The following COX7A2L variants were observed in gnomAD, a reference collection of about 807,000 sequenced individuals.
COX7A2L encodes the protein cytochrome c oxidase subunit 7A2-like, mitochondrial.
In COX7A2L, 18 loss-of-function variants were observed where a neutral mutation model predicts 14.2. The ratio of observed to expected loss-of-function variants is 1.27; its 90% CI spans 0.88 to 1.88. The LOEUF (loss-of-function observed/expected upper bound fraction) is 1.88, where lower values mean the gene tolerates loss of function less well. Ranked by LOEUF, COX7A2L falls within the 40% of genes most tolerant of loss-of-function variation. The pLI is 0.00. For synonymous variants in COX7A2L, 65 were observed against 57.4 expected, an observed-to-expected ratio of 1.13 and a Z score of -0.60; for missense variants, 179 against 138.8, an observed-to-expected ratio of 1.29 and a Z score of -1.46.
At chr2:42,345,634 G>T (rs745839849), downstream of COX7A2L, among the ~76,000 whole-genome samples, 1 of 152,226 alleles carries the variant, frequency 6.6e-6, no homozygotes, top group African/African-American at 2.4e-5. Flanking sequence ...CAGAGTGAAA[G>T]ACCATCATAC....
chr2:42,353,400 G>C, intron 1 of COX7A2L, 57 bp from the exon 2 acceptor site: 1 of 1,593,644 alleles, frequency 6.3e-7, no homozygotes, highest in East Asian at 2.2e-5. Context: ...AGGCTGTCTG[G>C]AATAGTGGAG....
In COX7A2L at chr2:42,350,974, G is replaced by C. The variant is rs1670621968; in HGVS notation, c.*245C>G. ...GTTCAGCCTTCATCCAGAACCTCCA[G>C]GGAAATCAGGAGCACAAACACAGAG... On this transcript the variant is annotated 3_prime_UTR_variant, in exon 3 of 3. Transcript: ENST00000234301. 1.1e-5 allele frequency: 4 copies of C among 358,688 alleles called. No homozygotes were observed. Among genetic ancestry groups the C allele is most frequent in the Non-Finnish European group, 2.0e-5 (4 of 199,704 alleles). 22.2% of individuals were successfully genotyped at this position (358,688 alleles called of 1,614,324 possible). A position where few individuals can be genotyped will look rare whatever the true frequency, so the allele number is the denominator to read the frequency against.
rs1308629811 is a variant in COX7A2L at position 42,351,145 on chromosome 2, A to C, written c.*74T>G. ...TTAAGCCATCCAAGTAAAAAAAAAA[A>C]TTTTAATTTAACAATGAAAAAGGAA... On this transcript the variant is annotated 3_prime_UTR_variant, in exon 3 of 3. Transcript: ENST00000234301. 4.4e-5 allele frequency: 64 copies of C among 1,457,612 alleles called. No homozygotes were observed. The highest frequency in any genetic ancestry group is 5.0e-5 in the Non-Finnish European group (55 of 1,090,566). The allele number at this position is 1,457,612 out of a possible 1,614,324, so 90.3% of individuals were successfully genotyped here. A position where few individuals can be genotyped will look rare whatever the true frequency, so the allele number is the denominator to read the frequency against.
At chr2:42,353,622 G>C (rs1052627412) in intron 1 of COX7A2L, among the ~76,000 whole-genome samples, 1 of 152,134 alleles carries the variant, frequency 6.6e-6, no homozygotes, top group Non-Finnish European at 1.5e-5. Flanking sequence ...CTTGTCATTA[G>C]CTTTCATGAG....
chr2:42,346,204 A>G (rs983134446), downstream of COX7A2L, among the ~76,000 whole-genome samples: 3 of 152,050 alleles, frequency 2.0e-5, no homozygotes, highest in Non-Finnish European at 4.4e-5. Flanking sequence ...CTGGACAACA[A>G]TTTCCTTCCA....
chr2:42,364,250 C>CAAAAAAAAAAAAAAAAAAAAAAAAAAA (rs35151680), upstream of COX7A2L, among the ~76,000 whole-genome samples: 15 of 85,404 alleles, frequency 1.8e-4, no homozygotes, highest in South Asian at 5.0e-4. Context: ...GACTCCGTCT[C>CAAAAAAAAAAAAAAAAAAAAAAAAAAA]AAAAAAAAAA....
chr2:42,353,153 G>C (rs775230988), intron 2 of COX7A2L, 59 bp downstream of exon 2: 5 of 1,578,134 alleles, frequency 3.2e-6, no homozygotes, highest in Non-Finnish European at 4.3e-6. Context: ...AGTTTCATAA[G>C]GGATTTTTTA....
chr2:42,358,327 G>GA, intron 1 of COX7A2L, among the ~76,000 whole-genome samples: 1 of 152,200 alleles, frequency 6.6e-6, no homozygotes. Context: ...TCAACCAATG[G>GA]AAAATGCCAT....
chr2:42,344,537 A>G (rs1471213030), downstream of COX7A2L, among the ~76,000 whole-genome samples: 1 of 152,208 alleles, frequency 6.6e-6, no homozygotes, highest in Admixed American at 6.5e-5. Context: ...GACCAAAACA[A>G]AGTATGAGAA....
At chr2:42,336,533 ACTGATCAC>A (rs1670277610) in intron 2 of COX7A2L, among the ~76,000 whole-genome samples, 1 of 152,058 alleles carries the variant, frequency 6.6e-6, no homozygotes, top group South Asian at 2.1e-4. Flanking sequence ...CTCATGCTTG[ACTGATCAC>A]AGTAACCAAG....
At chr2:42,363,231 T>C (rs148600815), upstream of COX7A2L, among the ~76,000 whole-genome samples, 850 of 152,244 alleles carry the variant, frequency 5.6e-3, 9 homozygotes, top group African/African-American at 0.019. Flanking sequence ...CGACAAAAAG[T>C]TCGACTACCT....
upstream of COX7A2L, among the ~76,000 whole-genome samples, chr2:42,365,400 G>A (rs1203862660): frequency 2.6e-5 from 4 of 152,216 alleles, no homozygotes; most frequent in African/African-American, 9.6e-5. Flanking sequence ...GCCAAGGCAG[G>A]TGGATCACCT....
chr2:42,335,561 C>A (rs930453359), intron 2 of COX7A2L, among the ~76,000 whole-genome samples: 1 of 152,162 alleles, frequency 6.6e-6, no homozygotes, highest in Non-Finnish European at 1.5e-5. Flanking sequence ...GTTAACACTT[C>A]ATGTGTTTAA....
chr2:42,354,012 G>A (rs968519415), intron 1 of COX7A2L, among the ~76,000 whole-genome samples: 7 of 152,110 alleles, frequency 4.6e-5, no homozygotes, highest in Admixed American at 6.5e-5. Flanking sequence ...ACTGTATGAC[G>A]CCATTCACAG....
At chr2:42,341,299 G>A (rs1670399831) in intron 2 of COX7A2L, among the ~76,000 whole-genome samples, 1 of 152,110 alleles carries the variant, frequency 6.6e-6, no homozygotes, top group Admixed American at 6.5e-5. Context: ...CCACACCTAA[G>A]GCATAAAGGC....
chr2:42,365,322 T>C (rs1201292176), upstream of COX7A2L, among the ~76,000 whole-genome samples: 2 of 152,138 alleles, frequency 1.3e-5, no homozygotes, highest in Non-Finnish European at 2.9e-5. Flanking sequence ...TAAGCCCACA[T>C]ACACACACAG....
upstream of COX7A2L, among the ~76,000 whole-genome samples, chr2:42,364,655 C>A (rs917857177): frequency 6.6e-6 from 1 of 152,114 alleles, no homozygotes; most frequent in African/African-American, 2.4e-5. Context: ...TCAAATAAAG[C>A]CCTATCTGGT....
At chr2:42,351,558 T>C (rs533082726) in intron 2 of COX7A2L, among the ~76,000 whole-genome samples, 199 bp from the exon 3 acceptor site, 1 of 152,230 alleles carries the variant, frequency 6.6e-6, no homozygotes, top group Non-Finnish European at 1.5e-5. Flanking sequence ...TTCTCCAAAA[T>C]GCTGCCTCAG....
At position 42,349,572 on chromosome 2, in the gene COX7A2L, G is replaced by A. The variant is rs1225224623; in HGVS notation, c.*1647C>T. ...AACTCCAAATACAGTAAAAACCAAT[G>A]AATTGTACACTTGAGGTGAACTGTA... On this transcript the variant is annotated 3_prime_UTR_variant, in exon 3 of 3. Coordinates refer to ENST00000234301, the MANE Select transcript of COX7A2L (RefSeq NM_004718.4). 3 of 152,112 alleles carry A rather than the reference G, an allele frequency of 2.0e-5. 1 individual carries two copies. In the South Asian group the frequency reaches 6.2e-4, roughly 31 times the overall value. 9.4% of individuals were successfully genotyped at this position (152,112 alleles called of 1,614,324 possible).
Sources: gnomAD v4.1 joint callset for allele counts (sites outside exome capture counted in the v4.1 genomes callset) on GRCh38, gnomAD v4.1.1 for gene constraint, MANE v1.5 for transcripts, NCBI Gene and HGNC (gene_info 2026-07-23, HGNC 2026-07-21) for gene names.